Variants in ARHGEF10L observed in about 807,000 individuals in gnomAD.
ARHGEF10L encodes the protein rho guanine nucleotide exchange factor 10-like protein.
In ARHGEF10L, 69 loss-of-function variants were observed where a neutral mutation model predicts 141.2. The ratio of observed to expected loss-of-function variants is 0.49; its 90% CI spans 0.40 to 0.60. ARHGEF10L has a LOEUF of 0.60. Ranked by LOEUF, ARHGEF10L falls within the 20% of genes least tolerant of loss-of-function variation. The probability of loss-of-function intolerance (pLI) is 0.00; values close to 1 mark genes in which losing one functional copy is unlikely to be tolerated. For synonymous variants in ARHGEF10L, 711 were observed against 718.5 expected (o/e 0.99, Z 0.17); for missense variants, 1,482 against 1,734.3 (o/e 0.85, Z 2.58).
At chr1:17,514,215 C>T in the ARHGEF10L span, among the ~76,000 whole-genome samples, 134,257 of 146,454 alleles carry the variant, frequency 0.92, 62,137 homozygotes, top group Non-Finnish European at 0.98. Context: ...CAGCTTACTG[C>T]AACCCCGCCT....
chr1:17,664,663 C>T (rs531249508), intron 26 of ARHGEF10L, 68 bp downstream of exon 26: 150 of 1,423,288 alleles, frequency 1.1e-4, no homozygotes, highest in Non-Finnish European at 1.3e-4. Flanking sequence ...TTTCTTATGT[C>T]CACCCCGGCA....
chr1:17,642,565 G>A (rs2061385930), intron 21 of ARHGEF10L, among the ~76,000 whole-genome samples: 1 of 152,166 alleles, frequency 6.6e-6, no homozygotes, highest in African/African-American at 2.4e-5. Context: ...AGGTGTGGAG[G>A]TGGGAGCAGG....
intron 5 of ARHGEF10L, 49 bp downstream of exon 5, chr1:17,602,267 G>T (rs1361487269): frequency 2.6e-6 from 4 of 1,537,044 alleles, no homozygotes; most frequent in Non-Finnish European, 3.5e-6. Context: ...CAAGCTCCAG[G>T]ATATTCTAGT....
chr1:17,631,839 C>T (rs1169412512), intron 15 of ARHGEF10L, among the ~76,000 whole-genome samples: 1 of 152,242 alleles, frequency 6.6e-6, no homozygotes, highest in African/African-American at 2.4e-5. Flanking sequence ...GTCACATGTT[C>T]ATTACCTTGT....
chr1:17,531,163 A>C, the ARHGEF10L span, among the ~76,000 whole-genome samples: 1 of 152,246 alleles, frequency 6.6e-6, no homozygotes, highest in Non-Finnish European at 1.5e-5. Context: ...TCATCAGCAC[A>C]GGTGGCCTTC....
In ARHGEF10L at chr1:17,692,908, C is replaced by T. The variant is rs184960742; in HGVS notation, c.3185-2250C>T. 4.2e-3 allele frequency among the ~76,000 whole-genome samples: 637 copies of T among 152,258 alleles called. 6 individuals are homozygous for T. Among genetic ancestry groups the T allele is most frequent in the Non-Finnish European group, 4.8e-3 (326 of 68,024 alleles). On this transcript the variant is annotated intron_variant, in intron 27 of 28. Transcript: ENST00000361221. ...GTCACAGGGCCTTTGCATGCCCTGT[C>T]TCCTGGGCCTTGGCTCAGGTCTTGG...
Position 17,638,681 on chromosome 1 carries a change from A to G in ARHGEF10L, c.2163A>G (p.Lys721=). The change falls in exon 20 of 29, where the codon AAA becomes AAG. Residue 721 remains lysine (K), a synonymous_variant. Coordinates refer to ENST00000361221, the MANE Select transcript of ARHGEF10L (RefSeq NM_018125.4). ...GTCTCAGGCTCCTGCTTCCTGGGAA[A>G]CCCGACAAGTGAGAGGAGGGGGTCT... ...KCRLRLLLPG[K]PDKSGRPISF... is the part of the protein sequence containing the mutation. 1.2e-6 allele frequency: 2 copies of G among 1,613,880 alleles called. No individual in the cohort carries two copies. The highest frequency in any genetic ancestry group is 1.7e-6 in the Non-Finnish European group (2 of 1,179,978).
Position 17,655,932 on chromosome 1 carries a change from C to T in ARHGEF10L, c.2535C>T (p.Asn845=), listed in dbSNP as rs1178683110. Residue 845 remains asparagine, a synonymous_variant, in exon 24 of 29, where the codon AAC becomes AAT. Coordinates refer to ENST00000361221, the MANE Select transcript of ARHGEF10L (RefSeq NM_018125.4). ...GCCAGGTGGAAATCTTTTCCTTGAA[C>T]CGGCCCTCGCCCCGCACCGTCAAGT... The part of the protein sequence containing the change: ...AGGQVEIFSL[N]RPSPRTVKSF... 1.3e-6 allele frequency: 2 copies of T among 1,558,102 alleles called. No individual in the cohort carries two copies. The highest frequency in any genetic ancestry group is 2.4e-5 in the East Asian group (1 of 41,942).
At chr1:17,554,449 T>C (rs1010638302) in intron 1 of ARHGEF10L, among the ~76,000 whole-genome samples, 3 of 151,920 alleles carry the variant, frequency 2.0e-5, no homozygotes, top group African/African-American at 7.2e-5. Flanking sequence ...AGTCCACACA[T>C]AGGACATCTC....
At chr1:17,531,695 G>A in the ARHGEF10L span, among the ~76,000 whole-genome samples, 2 of 152,210 alleles carry the variant, frequency 1.3e-5, no homozygotes, top group Non-Finnish European at 2.9e-5. Flanking sequence ...GGGAGTAGAT[G>A]TTAATGAGCT....
intron 1 of ARHGEF10L, among the ~76,000 whole-genome samples, chr1:17,542,469 T>G (rs1158218120): frequency 1.3e-5 from 2 of 152,088 alleles, no homozygotes; most frequent in Non-Finnish European, 2.9e-5. Context: ...ATGAGAAAAG[T>G]GTACTGTTAC....
intron 25 of ARHGEF10L, among the ~76,000 whole-genome samples, chr1:17,660,398 G>A (rs998415119): frequency 6.6e-6 from 1 of 152,192 alleles, no homozygotes; most frequent in East Asian, 1.9e-4. Flanking sequence ...TGAAATGGGG[G>A]TGTGGACAGC....
intron 1 of ARHGEF10L, among the ~76,000 whole-genome samples, chr1:17,576,447 C>T (rs1216903614): frequency 6.6e-6 from 1 of 152,096 alleles, no homozygotes; most frequent in Non-Finnish European, 1.5e-5. Flanking sequence ...GGAGCTGGGG[C>T]CTCCCCTCTT....
chr1:17,582,142 G>T (rs1319824808), intron 2 of ARHGEF10L, among the ~76,000 whole-genome samples: 1 of 152,058 alleles, frequency 6.6e-6, no homozygotes, highest in Non-Finnish European at 1.5e-5. Flanking sequence ...ATTGCCGGGG[G>T]GAGGATAGAA....
intron 1 of ARHGEF10L, among the ~76,000 whole-genome samples, chr1:17,546,435 C>A (rs201937088): frequency 2.0e-5 from 3 of 152,182 alleles, no homozygotes; most frequent in African/African-American, 4.8e-5. Flanking sequence ...TGCATCAATT[C>A]ATTTAATTTC....
intron 25 of ARHGEF10L, among the ~76,000 whole-genome samples, chr1:17,659,849 C>T (rs1374146027): frequency 6.6e-6 from 1 of 152,188 alleles, no homozygotes; most frequent in African/African-American, 2.4e-5. Flanking sequence ...TAGGACAGAA[C>T]CCACAGAACC....
intron 6 of ARHGEF10L, among the ~76,000 whole-genome samples, chr1:17,606,023 C>T (rs969380486): frequency 2.6e-5 from 4 of 152,184 alleles, no homozygotes; most frequent in East Asian, 1.9e-4. Flanking sequence ...CCCAACCTCT[C>T]GCACCCCACC....
chr1:17,529,535 G>T, the ARHGEF10L span, among the ~76,000 whole-genome samples: 3 of 152,236 alleles, frequency 2.0e-5, no homozygotes, highest in African/African-American at 7.2e-5. Context: ...GGGTTCTTCA[G>T]GGAAGCCTGG....
intron 8 of ARHGEF10L, among the ~76,000 whole-genome samples, chr1:17,613,683 G>A (rs2059658863): frequency 6.6e-6 from 1 of 152,264 alleles, no homozygotes; most frequent in Admixed American, 6.5e-5. Flanking sequence ...GTCTGTAGGA[G>A]AAATCACAGT....
Sources: gnomAD v4.1 joint callset for allele counts (sites outside exome capture counted in the v4.1 genomes callset) on GRCh38, gnomAD v4.1.1 for gene constraint, MANE v1.5 for transcripts, NCBI Gene and HGNC (gene_info 2026-07-23, HGNC 2026-07-21) for gene names.